VDR: variants seen among roughly 807,000 people sequenced by gnomAD.
VDR encodes vitamin D receptor, also known as vitamin D3 receptor.
Under a neutral mutation model 39.7 loss-of-function variants are expected in VDR, and 19 were observed. The ratio of observed to expected loss-of-function variants is 0.48; its 90% CI spans 0.33 to 0.70. VDR has a LOEUF of 0.70. VDR is among the 30% of genes least tolerant of loss of function. The pLI is 0.02. For synonymous variants in VDR, 242 were observed against 215.8 expected (o/e 1.12, Z -1.07); for missense variants, 442 against 570.5 (o/e 0.77, Z 2.29).
Position 47,841,754 on chromosome 12 carries a change from C to T in VDR, c.*2992G>A, listed in dbSNP as rs1032391448. On this transcript the variant is annotated 3_prime_UTR_variant, in exon 10 of 10. Transcript: ENST00000549336. ...CTTTCACTAAATCTGCCACACATTCCTGCCTTCTCTGTTGACCTCGCTTGG... is the reference window on the plus strand; with the variant it reads ...CTTTCACTAAATCTGCCACACATTCTTGCCTTCTCTGTTGACCTCGCTTGG... 2 of 152,358 alleles carry T rather than the reference C, an allele frequency of 1.3e-5. No individual in the cohort carries two copies. The highest frequency in any genetic ancestry group is 2.9e-5 in the Non-Finnish European group (2 of 68,032). The allele number at this position is 152,358 out of a possible 1,614,324, so 9.4% of individuals were successfully genotyped here.
intron 1 of VDR, among the ~76,000 whole-genome samples, chr12:47,885,709 T>C (rs1179214936): frequency 3.9e-5 from 6 of 152,336 alleles, no homozygotes; most frequent in African/African-American, 1.4e-4. Flanking sequence ...TTTTTTTTTC[T>C]TTTTAAGAGA....
chr12:47,884,079 G>T (rs900265837), intron 1 of VDR, among the ~76,000 whole-genome samples: 3 of 152,104 alleles, frequency 2.0e-5, no homozygotes, highest in African/African-American at 7.2e-5. Context: ...ACCACGCTCT[G>T]CAGGGTTCCT....
At chr12:47,889,242 G>T (rs1946316812) in intron 1 of VDR, among the ~76,000 whole-genome samples, 1 of 152,046 alleles carries the variant, frequency 6.6e-6, no homozygotes, top group Non-Finnish European at 1.5e-5. Context: ...CTCACCTCCA[G>T]CCTGGCCGAG....
intron 4 of VDR, among the ~76,000 whole-genome samples, chr12:47,863,488 T>C (rs1945665814): frequency 6.6e-6 from 1 of 152,192 alleles, no homozygotes; most frequent in Non-Finnish European, 1.5e-5. Context: ...GCAGAGGCTG[T>C]CTTCTCTGCG....
At chr12:47,864,512 C>T (rs1340913324) in intron 4 of VDR, among the ~76,000 whole-genome samples, 4 of 152,166 alleles carry the variant, frequency 2.6e-5, no homozygotes, top group African/African-American at 2.4e-5. Flanking sequence ...CTGCTCAAGG[C>T]GCCAGAGAGG....
At chr12:47,881,403 G>A (rs1946147773) in intron 2 of VDR, among the ~76,000 whole-genome samples, 1 of 152,096 alleles carries the variant, frequency 6.6e-6, no homozygotes, top group Non-Finnish European at 1.5e-5. Context: ...CTACCTGGGA[G>A]ACAATTCATT....
At chr12:47,889,091 AGAG>A (rs1405115436) in intron 1 of VDR, among the ~76,000 whole-genome samples, 1 of 152,100 alleles carries the variant, frequency 6.6e-6, no homozygotes, top group African/African-American at 2.4e-5. Context: ...TAAAAACAAG[AGAG>A]GAGAAGTATA....
At chr12:47,879,600 G>C (rs1449365208) in intron 2 of VDR, among the ~76,000 whole-genome samples, 2 of 152,112 alleles carry the variant, frequency 1.3e-5, no homozygotes, top group Non-Finnish European at 2.9e-5. Context: ...CCTACATGTG[G>C]AGAGAAACCC....
intron 7 of VDR, among the ~76,000 whole-genome samples, chr12:47,852,296 A>T (rs193280204): frequency 7.9e-5 from 12 of 152,212 alleles, no homozygotes; most frequent in African/African-American, 2.4e-4. Context: ...GCTGCCTGAC[A>T]TGAGGATGGA....
At chr12:47,893,859 T>C (rs1261786590) in intron 1 of VDR, among the ~76,000 whole-genome samples, 3 of 152,372 alleles carry the variant, frequency 2.0e-5, no homozygotes, top group South Asian at 4.1e-4. Context: ...ATCCTGAGTC[T>C]GGCTGTCCAA....
chr12:47,868,793 C>T (rs558323225), intron 3 of VDR, among the ~76,000 whole-genome samples: 17 of 130,660 alleles, frequency 1.3e-4, no homozygotes, highest in Middle Eastern at 3.9e-3. Flanking sequence ...TTTCAACAAC[C>T]GGGCATTTCG....
At chr12:47,859,918 T>TTCCTTCCTTCC (rs1565615386) in intron 4 of VDR, among the ~76,000 whole-genome samples, 11 of 39,896 alleles carry the variant, frequency 2.8e-4, no homozygotes, top group East Asian at 1.2e-3. Flanking sequence ...TCCTTCCTTC[T>TTCCTTCCTTCC]TTCTTTTTCT....
rs919777523 is a variant in VDR at position 47,901,773 on chromosome 12, C to G, written c.-84+3182G>C. 2.0e-5 allele frequency among the ~76,000 whole-genome samples: 3 copies of G among 152,142 alleles called. 1 individual carries two copies. Among genetic ancestry groups the G allele is most frequent in the South Asian group, 4.1e-4 (2 of 4,834 alleles). On this transcript the variant is annotated intron_variant, in intron 1 of 9. Transcript: ENST00000549336. ...GCCCAGTCTTGGCTCCACTATGAAC[C>G]CCAATTTCCCCAGGGGAAGCTGAAG... is the stretch of plus-strand genomic sequence containing the variant.
intron 7 of VDR, among the ~76,000 whole-genome samples, chr12:47,850,211 G>A (rs1422651509): frequency 6.6e-6 from 1 of 152,088 alleles, no homozygotes; most frequent in Non-Finnish European, 1.5e-5. Context: ...TAGAGAGAGG[G>A]AGTATACATT....
chr12:47,846,549 G>T (rs1945284323), intron 8 of VDR, 98 bp from the exon 9 acceptor site: 2 of 1,566,510 alleles, frequency 1.3e-6, no homozygotes, highest in Admixed American at 3.7e-5. Context: ...TCTCCCTGTT[G>T]GTGCCTAACT....
chr12:47,846,428 C>T lies in VDR; in HGVS notation c.931G>A (p.Glu311Lys), dbSNP rs1423287528. 2.6e-6 allele frequency: 4 copies of T among 1,568,356 alleles called. No homozygotes were observed. The highest frequency in any genetic ancestry group is 4.7e-5 in the East Asian group (2 of 42,302). Residue 311 changes from glutamate to lysine, a missense_variant, in exon 9 of 10, where the codon GAG (glutamate) becomes AAG (lysine). Transcript: ENST00000549336. ...TKAGHSLELI[E>K]PLIKFQVGLK... ...CCCACCTGGAACTTGATGAGGGGCTCAATCAGCTCCAGGCTGTGTCCGGCT... is the reference window on the plus strand; with the variant it reads ...CCCACCTGGAACTTGATGAGGGGCTTAATCAGCTCCAGGCTGTGTCCGGCT...
At position 47,846,418 on chromosome 12, in the gene VDR, A is replaced by C. The variant is rs121909799; in HGVS notation, c.941T>G (p.Ile314Ser). ...GHSLELIEPL[I>S]KFQVGLKKLN... is the part of the protein sequence containing the mutation. ...CTTCTTCAGTCCCACCTGGAACTTGATGAGGGGCTCAATCAGCTCCAGGCT... is the reference window on the plus strand; with the variant it reads ...CTTCTTCAGTCCCACCTGGAACTTGCTGAGGGGCTCAATCAGCTCCAGGCT... The change falls in exon 9 of 10, where the codon ATC becomes AGC. Residue 314 changes from isoleucine to serine, a missense_variant. Around this residue, in one of 5 missense-constraint regions of VDR, gnomAD observed 173 missense variants for 252.0 expected, o/e 0.69. Coordinates refer to ENST00000549336, the MANE Select transcript of VDR (RefSeq NM_000376.3). The C allele has an allele frequency of 6.4e-7, 1 of 1,573,376 alleles. No individual in the cohort carries two copies. Among genetic ancestry groups the C allele is most frequent in the Non-Finnish European group, 8.6e-7 (1 of 1,159,190 alleles).
rs1276408439 is a variant in VDR, at chr12:47,904,948, T to G, written c.-84+7A>C. The G allele has an allele frequency of 2.0e-5, 4 of 200,286 alleles. No individual in the cohort carries two copies. The highest frequency in any genetic ancestry group is 3.1e-5 in the Non-Finnish European group (3 of 98,024). 12.4% of individuals were successfully genotyped at this position (200,286 alleles called of 1,614,324 possible). On this transcript the variant is annotated splice_region_variant and intron_variant, in intron 1 of 9. Transcript: ENST00000549336. ...GACCCCCTTTCCCGCTGCTCCCGGG[T>G]TCGCACCTGGTCCGGCCGGCGGGTG...
At chr12:47,851,682 G>A (rs1945390263) in intron 7 of VDR, among the ~76,000 whole-genome samples, 2 of 152,230 alleles carry the variant, frequency 1.3e-5, no homozygotes, top group African/African-American at 4.8e-5. Context: ...TTGGGCTCCA[G>A]TCCAGGCTCA....
Sources: gnomAD v4.1 joint callset for allele counts (sites outside exome capture counted in the v4.1 genomes callset) on GRCh38, gnomAD v4.1.1 for gene constraint, gnomAD v4.1.1 regional missense constraint, MANE v1.5 for transcripts, NCBI Gene and HGNC (gene_info 2026-07-23, HGNC 2026-07-21) for gene names.